Variants in PID1 observed in about 807,000 individuals in gnomAD.
PID1 encodes phosphotyrosine interaction domain containing 1, also known as PTB-containing, cubilin and LRP1-interacting protein.
PID1 carries 10 observed loss-of-function variants against 19.1 expected under a neutral mutation model. The ratio of observed to expected loss-of-function variants is 0.52; its 90% CI spans 0.32 to 0.89. PID1 has a LOEUF of 0.89. Ranked by LOEUF, PID1 falls within the 40% of genes least tolerant of loss-of-function variation. The probability of loss-of-function intolerance (pLI) is 0.03; values close to 1 mark genes in which losing one functional copy is unlikely to be tolerated. For synonymous variants in PID1, 130 were observed against 116.0 expected (o/e 1.12, Z -0.78); for missense variants, 248 against 285.3 (o/e 0.87, Z 0.94).
At chr2:229,237,706 T>A (rs954922) in intron 1 of PID1, among the ~76,000 whole-genome samples, 1 of 151,978 alleles carries the variant, frequency 6.6e-6, no homozygotes, top group Non-Finnish European at 1.5e-5. Context: ...AAGTGACATT[T>A]CTTAAATATC....
intron 2 of PID1, among the ~76,000 whole-genome samples, chr2:229,094,265 A>G (rs1285907719): frequency 6.6e-6 from 1 of 152,194 alleles, no homozygotes; most frequent in African/African-American, 2.4e-5. Flanking sequence ...GAGAATTACA[A>G]AACACTATTG....
intron 1 of PID1, among the ~76,000 whole-genome samples, chr2:229,241,551 C>T (rs570491599): frequency 2.6e-4 from 40 of 152,214 alleles, no homozygotes; most frequent in African/African-American, 9.6e-4. Flanking sequence ...TATGAGAGCA[C>T]AGGTTTTTAA....
chr2:229,095,538 G>A (rs1320775571), intron 2 of PID1, among the ~76,000 whole-genome samples: 4 of 152,122 alleles, frequency 2.6e-5, no homozygotes, highest in African/African-American at 7.2e-5. Flanking sequence ...TTATTGGGAG[G>A]AGTGAATTAG....
At chr2:229,163,644 A>T (rs1157202661) in intron 1 of PID1, among the ~76,000 whole-genome samples, 1 of 99,428 alleles carries the variant, frequency 1.0e-5, no homozygotes, top group African/African-American at 3.3e-5. Flanking sequence ...AGAGGGAGAG[A>T]GAGAGAGTGT....
chr2:229,111,190 C>T (rs1285157480), intron 2 of PID1, among the ~76,000 whole-genome samples: 2 of 152,236 alleles, frequency 1.3e-5, no homozygotes, highest in Non-Finnish European at 2.9e-5. Flanking sequence ...TTATAAATTA[C>T]CCAGTCTCGA....
At chr2:229,248,709 G>T (rs953808741) in intron 1 of PID1, among the ~76,000 whole-genome samples, 1 of 151,872 alleles carries the variant, frequency 6.6e-6, no homozygotes, top group Non-Finnish European at 1.5e-5. Flanking sequence ...CTATTTATTT[G>T]TTTGCTTATT....
chr2:229,146,939 C>T (rs1239783007), intron 2 of PID1, among the ~76,000 whole-genome samples: 1 of 152,170 alleles, frequency 6.6e-6, no homozygotes, highest in Non-Finnish European at 1.5e-5. Context: ...GGGAGCATGA[C>T]CCTGCTGACA....
At chr2:229,253,958 G>C (rs1690220995) in intron 1 of PID1, among the ~76,000 whole-genome samples, 1 of 152,216 alleles carries the variant, frequency 6.6e-6, no homozygotes, top group African/African-American at 2.4e-5. Flanking sequence ...AGAAAGGAGA[G>C]GGATAGAGCC....
In PID1 at chr2:229,135,211, T is replaced by C. The variant is rs1015850144; in HGVS notation, c.177+20607A>G. On this transcript the variant is annotated intron_variant, in intron 2 of 2. Transcript: ENST00000392055. Reference sequence around the variant, plus strand: ...ACTTGCTTTTCTCTTGGGTTTTGCATCGTTCACGTGGTTTGTTCCCCCGCA... The same window carrying C: ...ACTTGCTTTTCTCTTGGGTTTTGCACCGTTCACGTGGTTTGTTCCCCCGCA... 3.3e-5 allele frequency among the ~76,000 whole-genome samples: 5 copies of C among 152,278 alleles called. No individual in the cohort carries two copies. The South Asian group carries it at 1.0e-3, about 32-fold the overall frequency.
At chr2:229,098,504 T>C (rs977440086) in intron 2 of PID1, among the ~76,000 whole-genome samples, 5 of 152,160 alleles carry the variant, frequency 3.3e-5, no homozygotes, top group African/African-American at 1.2e-4. Context: ...AAAGTGCCCA[T>C]CGTGTGCCCG....
At chr2:229,220,731 G>A (rs932289599) in intron 1 of PID1, among the ~76,000 whole-genome samples, 2 of 152,104 alleles carry the variant, frequency 1.3e-5, no homozygotes, top group Non-Finnish European at 2.9e-5. Context: ...CCGCATTAAT[G>A]CAAATTAATG....
At chr2:229,125,910 C>T (rs556425211) in intron 2 of PID1, among the ~76,000 whole-genome samples, 4 of 152,228 alleles carry the variant, frequency 2.6e-5, no homozygotes, top group Middle Eastern at 6.8e-3. Context: ...TTCTGTTTCT[C>T]GGCAACAAAG....
At chr2:229,221,104 T>G (rs905720682) in intron 1 of PID1, among the ~76,000 whole-genome samples, 13 of 152,184 alleles carry the variant, frequency 8.5e-5, no homozygotes, top group African/African-American at 2.7e-4. Context: ...CTTTAACCTC[T>G]TAGAGAACAG....
chr2:229,105,850 C>T (rs1695166802), intron 2 of PID1, among the ~76,000 whole-genome samples: 1 of 152,148 alleles, frequency 6.6e-6, no homozygotes, highest in Non-Finnish European at 1.5e-5. Context: ...GAGGCTGAGG[C>T]AGGCACATCA....
At chr2:229,065,088 T>C (rs1694294913) in intron 2 of PID1, among the ~76,000 whole-genome samples, 1 of 152,174 alleles carries the variant, frequency 6.6e-6, no homozygotes, top group Admixed American at 6.6e-5. Flanking sequence ...CTTGCACAGA[T>C]GAACAGCACA....
intron 1 of PID1, among the ~76,000 whole-genome samples, chr2:229,167,079 A>C (rs575496332): frequency 2.2e-4 from 33 of 151,440 alleles, no homozygotes; most frequent in African/African-American, 8.0e-4. Flanking sequence ...GAAACGAAAG[A>C]AGGGAGGAAA....
chr2:229,197,549 G>A (rs1477548219), intron 1 of PID1, among the ~76,000 whole-genome samples: 1 of 151,218 alleles, frequency 6.6e-6, no homozygotes, highest in African/African-American at 2.4e-5. Flanking sequence ...CTTTTTTTAA[G>A]GTGCAGATAA....
chr2:229,163,729 T>C (rs1336614796), intron 1 of PID1, among the ~76,000 whole-genome samples: 1 of 151,662 alleles, frequency 6.6e-6, no homozygotes, highest in African/African-American at 2.4e-5. Flanking sequence ...TGTCACTGAC[T>C]TGAAATACAC....
intron 1 of PID1, among the ~76,000 whole-genome samples, chr2:229,194,764 T>A (rs1056288964): frequency 6.6e-6 from 1 of 151,894 alleles, no homozygotes; most frequent in Admixed American, 6.6e-5. Flanking sequence ...AAATAAGTAA[T>A]AGAGGATAGA....
Sources: allele counts gnomAD v4.1 joint callset (sites outside exome capture counted in the v4.1 genomes callset), GRCh38; gene constraint gnomAD v4.1.1; transcripts MANE v1.5; gene names NCBI Gene and HGNC (gene_info 2026-07-23, HGNC 2026-07-21).